The following CDC34 variants were observed in gnomAD, a reference collection of about 807,000 sequenced individuals.
The protein encoded by CDC34 is ubiquitin-conjugating enzyme E2 R1.
Under a neutral mutation model 26.8 loss-of-function variants are expected in CDC34, and 18 were observed. The ratio of observed to expected loss-of-function variants is 0.67; its 90% CI spans 0.47 to 1.00. The LOEUF (loss-of-function observed/expected upper bound fraction) is 1.00. Among genes scored for constraint, CDC34 ranks in the 50% least tolerant of loss-of-function variants. The pLI is 0.00. For missense variants in CDC34, 280 were observed against 334.5 expected, an observed-to-expected ratio of 0.84 and a Z score of 1.27; for synonymous variants, 178 against 147.5, an observed-to-expected ratio of 1.21 and a Z score of -1.50.
chr19:536,361 G>C (rs1204463227), intron 3 of CDC34, 21 bp downstream of exon 3: 7 of 1,579,944 alleles, frequency 4.4e-6, no homozygotes, highest in Non-Finnish European at 6.1e-6. Context: ...CCAACCCCCT[G>C]TGTCCACCCA....
In CDC34 at chr19:541,405, C is replaced by G. The variant is rs747007644; in HGVS notation, c.564C>G (p.Ala188=). ...RDGVKVPTTL[A]EYCVKTKAPA... ...GCGTGAAGGTGCCCACCACGCTGGC[C>G]GAGTACTGCGTGAAGACCAAGGCGC... The change falls in exon 5 of 5, where the codon GCC becomes GCG. Residue 188 remains alanine (A), a synonymous_variant. Coordinates refer to ENST00000215574, the MANE Select transcript of CDC34 (RefSeq NM_004359.2). 7.6e-5 allele frequency: 122 copies of G among 1,611,614 alleles called. No homozygotes were observed. In the South Asian group the frequency reaches 1.0e-3, roughly 14 times the overall value.
At chr19:538,803 C>G (rs1028982959) in intron 4 of CDC34, 18 of 985,166 alleles carry the variant, frequency 1.8e-5, no homozygotes, top group Non-Finnish European at 1.9e-5. Context: ...GGGCGGGCCC[C>G]GTGCGGCCTC....
At chr19:539,033 A>C (rs1380584639) in intron 4 of CDC34, 1 of 983,358 alleles carries the variant, frequency 1.0e-6, no homozygotes, top group Non-Finnish European at 1.2e-6. Flanking sequence ...TTTATCCCTC[A>C]AAACTCCCTG....
chr19:539,061 GC>G, intron 4 of CDC34: 1 of 952,396 alleles, frequency 1.0e-6, no homozygotes, highest in East Asian at 1.2e-4. Flanking sequence ...ACACACATGT[GC>G]CATGTGGACT....
chr19:540,008 CCAGGTTTAGAATCCGGAGGCCGGGGTGG>C (rs1979939664), intron 4 of CDC34, among the ~76,000 whole-genome samples: 3 of 148,914 alleles, frequency 2.0e-5, no homozygotes, highest in African/African-American at 7.5e-5. Flanking sequence ...GGCCAGGCCC[CCAGGTTTAGAATCCGGAGGCCGGGGTGG>C]CCAGGCCCCC....
intron 4 of CDC34, among the ~76,000 whole-genome samples, chr19:538,368 C>T (rs1388843342): frequency 6.6e-6 from 1 of 152,258 alleles, no homozygotes; most frequent in Admixed American, 6.5e-5. Flanking sequence ...CTCCTCCCAT[C>T]GCCCTCATGC....
chr19:532,854 C>T (rs1043752984), intron 1 of CDC34, among the ~76,000 whole-genome samples: 16 of 152,322 alleles, frequency 1.1e-4, no homozygotes, highest in African/African-American at 3.4e-4. Flanking sequence ...CCTCCCGGCT[C>T]GGGCCCGCGT....
chr19:535,753 A>T, intron 1 of CDC34, 84 bp from the exon 2 acceptor site: 1 of 997,140 alleles, frequency 1.0e-6, no homozygotes, highest in Non-Finnish European at 1.6e-6. Context: ...CAGCACTGGG[A>T]GTGGGATGGC....
intron 1 of CDC34, among the ~76,000 whole-genome samples, chr19:535,620 G>A (rs1979702032): frequency 6.6e-6 from 1 of 152,246 alleles, no homozygotes; most frequent in African/African-American, 2.4e-5. Context: ...CTGTGTAGGA[G>A]CTGGGATCAG....
intron 1 of CDC34, 29 bp downstream of exon 1, chr19:532,137 C>T (rs199984661): frequency 2.7e-6 from 4 of 1,470,280 alleles, no homozygotes; most frequent in Non-Finnish European, 3.6e-6. Flanking sequence ...GCCCGGGTCC[C>T]GGAGCCCACG....
chr19:532,250 G>A, intron 1 of CDC34, 142 bp downstream of exon 1: 2 of 582,582 alleles, frequency 3.4e-6, no homozygotes, highest in African/African-American at 2.0e-5. Flanking sequence ...CCCTTCTATG[G>A]CCACGTTCCC....
chr19:541,350 T>C lies in CDC34; in HGVS notation c.509T>C (p.Leu170Pro). Reference sequence around the variant, plus strand: ...CCCTGTCCCCCCAGGAAGCAGGTCCTGGGGACCAAGGTGGACGCGGAGCGT... The same window carrying C: ...CCCTGTCCCCCCAGGAAGCAGGTCCCGGGGACCAAGGTGGACGCGGAGCGT... ...EYTDIIRKQVLGTKVDAERDG... is the reference protein window; with the variant it reads ...EYTDIIRKQVPGTKVDAERDG... Residue 170 changes from leucine to proline, a missense_variant, in exon 5 of 5, where the codon CTG (leucine) becomes CCG (proline). Transcript: ENST00000215574. 2 of 1,583,312 alleles carry C rather than the reference T, an allele frequency of 1.3e-6. No homozygotes were observed. Among genetic ancestry groups the C allele is most frequent in the Non-Finnish European group, 1.7e-6 (2 of 1,167,408 alleles).
intron 1 of CDC34, among the ~76,000 whole-genome samples, chr19:532,376 C>T (rs1028787768): frequency 3.9e-5 from 6 of 152,228 alleles, no homozygotes; most frequent in Non-Finnish European, 5.9e-5. Flanking sequence ...CTGTTAGGCT[C>T]TTGGCCCCCG....
chr19:536,423 G>A, intron 3 of CDC34, 83 bp downstream of exon 3: 1 of 1,125,162 alleles, frequency 8.9e-7, no homozygotes, highest in Non-Finnish European at 1.3e-6. Context: ...CCATCAGGTA[G>A]GCCGGGCTCC....
Position 541,641 on chromosome 19 carries a change from C to A in CDC34, c.*89C>A. On this transcript the variant is annotated 3_prime_UTR_variant, in exon 5 of 5. Transcript: ENST00000215574. ...CAGACTACCTCACGGAGGTTTTGTGCTGGTCCCCGTCTCCTCTGGTTGTTT... is the reference window on the plus strand; with the variant it reads ...CAGACTACCTCACGGAGGTTTTGTGATGGTCCCCGTCTCCTCTGGTTGTTT... The A allele has an allele frequency of 7.2e-7, 1 of 1,390,584 alleles. No individual in the cohort carries two copies. The highest frequency in any genetic ancestry group is 2.8e-5 in the Admixed American group (1 of 35,296). 86.1% of individuals were successfully genotyped at this position (1,390,584 alleles called of 1,614,324 possible).
chr19:532,935 G>T (rs570349789), intron 1 of CDC34, among the ~76,000 whole-genome samples: 1 of 152,302 alleles, frequency 6.6e-6, no homozygotes, highest in African/African-American at 2.4e-5. Context: ...AGAGTCCACT[G>T]AACAGGTGGC....
intron 1 of CDC34, 26 bp from the exon 2 acceptor site, chr19:535,811 G>A (rs778473843): frequency 8.2e-6 from 13 of 1,592,624 alleles, no homozygotes; most frequent in African/African-American, 1.3e-5. Context: ...GGGCTGGACT[G>A]AGCCACCTGC....
chr19:532,017 G>T lies in CDC34; in HGVS notation c.86G>T (p.Arg29Leu), dbSNP rs1301290037. ...GLQEEPVEGFRVTLVDEGDLY... is the reference protein window; with the variant it reads ...GLQEEPVEGFLVTLVDEGDLY... Reference sequence around the variant, plus strand: ...CAGGAAGAGCCGGTCGAGGGATTCCGCGTGACACTGGTGGACGAGGGCGAT... The same window carrying T: ...CAGGAAGAGCCGGTCGAGGGATTCCTCGTGACACTGGTGGACGAGGGCGAT... Residue 29 changes from arginine to leucine, a missense_variant, in exon 1 of 5, where the codon CGC (arginine) becomes CTC (leucine). Arg to Leu is a moderately radical substitution (Grantham distance 102). Transcript: ENST00000215574. 1.3e-6 allele frequency: 2 copies of T among 1,512,882 alleles called. No individual in the cohort carries two copies. The highest frequency in any genetic ancestry group is 8.8e-7 in the Non-Finnish European group (1 of 1,139,360). 93.7% of individuals were successfully genotyped at this position (1,512,882 alleles called of 1,614,324 possible). A position where few individuals can be genotyped will look rare whatever the true frequency, so the allele number is the denominator to read the frequency against.
In CDC34 at chr19:540,005, C is replaced by A. The variant is rs574415290; in HGVS notation, c.498-1334C>A. On this transcript the variant is annotated intron_variant, in intron 4 of 4. Coordinates refer to ENST00000215574, the MANE Select transcript of CDC34 (RefSeq NM_004359.2). ...GAATCCGGAGGCCGGGGTGGCCAGG[C>A]CCCCAGGTTTAGAATCCGGAGGCCG... Among the ~76,000 whole-genome samples, 566 of 88,264 alleles carry A rather than the reference C, an allele frequency of 6.4e-3. 8 individuals are homozygous for A. Among genetic ancestry groups the A allele is most frequent in the Middle Eastern group, 0.021 (3 of 146 alleles). The allele number at this position is 88,264 out of a possible 152,430, so 57.9% of individuals were successfully genotyped here. A position where few individuals can be genotyped will look rare whatever the true frequency, so the allele number is the denominator to read the frequency against.
Sources: gnomAD v4.1 joint callset for allele counts (sites outside exome capture counted in the v4.1 genomes callset) on GRCh38, gnomAD v4.1.1 for gene constraint, MANE v1.5 for transcripts, NCBI Gene and HGNC (gene_info 2026-07-23, HGNC 2026-07-21) for gene names.